The following ECPAS variants were observed in gnomAD, a reference collection of about 807,000 sequenced individuals.
The protein encoded by ECPAS is Ecm29 proteasome adaptor and scaffold, also known as proteasome adapter and scaffold protein ECM29.
In ECPAS, 70 loss-of-function variants were observed where a neutral mutation model predicts 255.1. That is an observed-to-expected ratio of 0.27 (90% CI 0.23 to 0.33). The LOEUF is 0.33. Ranked by LOEUF, ECPAS falls within the 10% of genes least tolerant of loss-of-function variation. ECPAS has a pLI of 1.00. For synonymous variants in ECPAS, 784 were observed against 775.0 expected, an observed-to-expected ratio of 1.01 and a Z score of -0.19; for missense variants, 1,817 against 2,206.4, an observed-to-expected ratio of 0.82 and a Z score of 3.54.
rs537548302 is a variant in ECPAS at position 111,452,154 on chromosome 9, G to A, written c.23-599C>T. ...TTCAACCAGTACACTGCAGCGGCAA[G>A]CAGGAAGATGGGAATGAAAGGGGAG... is the stretch of plus-strand genomic sequence containing the variant. On this transcript the variant is annotated intron_variant, in intron 2 of 49. Coordinates refer to ENST00000684092, the MANE Select transcript of ECPAS (RefSeq NM_001364929.1). Among the ~76,000 whole-genome samples the A allele has an allele frequency of 3.9e-4, 60 of 152,264 alleles. 1 individual carries two copies. Among genetic ancestry groups the A allele is most frequent in the African/African-American group, 1.3e-3 (56 of 41,544 alleles).
intron 2 of ECPAS, among the ~76,000 whole-genome samples, chr9:111,458,926 C>G (rs7038405): frequency 0.69 from 105,169 of 151,906 alleles, 36,719 homozygotes; most frequent in African/African-American, 0.75. Context: ...CATAAATACA[C>G]GGCTTTCCTG....
At chr9:111,444,054 T>A (rs1458071538) in intron 4 of ECPAS, among the ~76,000 whole-genome samples, 1 of 152,216 alleles carries the variant, frequency 6.6e-6, no homozygotes, top group Non-Finnish European at 1.5e-5. Context: ...AACATTTCCC[T>A]CTATTCAGAC....
intron 2 of ECPAS, among the ~76,000 whole-genome samples, chr9:111,472,247 C>CA (rs542111051): frequency 3.9e-4 from 59 of 149,854 alleles, no homozygotes; most frequent in Admixed American, 8.0e-4. Context: ...GACCCTGTCT[C>CA]AAAAAAAAAT....
chr9:111,478,675 G>T (rs2098299676), intron 1 of ECPAS, among the ~76,000 whole-genome samples: 1 of 152,202 alleles, frequency 6.6e-6, no homozygotes, highest in African/African-American at 2.4e-5. Flanking sequence ...TACTTCAAAT[G>T]CAAGGCAGAA....
intron 3 of ECPAS, among the ~76,000 whole-genome samples, chr9:111,446,958 T>TAG (rs896588928): frequency 6.6e-6 from 1 of 152,174 alleles, no homozygotes; most frequent in Admixed American, 6.5e-5. Flanking sequence ...GTGATACCGC[T>TAG]AGGCGACAAG....
chr9:111,434,680 C>T (rs992477549), intron 7 of ECPAS, among the ~76,000 whole-genome samples: 1 of 150,698 alleles, frequency 6.6e-6, no homozygotes, highest in Non-Finnish European at 1.5e-5. Context: ...ACCTCTGCCT[C>T]CTGGGTTCAA....
chr9:111,421,805 C>T (rs1165022310), intron 15 of ECPAS, 116 bp downstream of exon 15: 2 of 1,225,850 alleles, frequency 1.6e-6, no homozygotes, highest in South Asian at 3.2e-5. Context: ...GATCCTAAAT[C>T]ACAGCCCAAG....
chr9:111,448,814 A>G (rs1443153778), intron 3 of ECPAS, among the ~76,000 whole-genome samples: 1 of 152,172 alleles, frequency 6.6e-6, no homozygotes, highest in Non-Finnish European at 1.5e-5. Context: ...TAAAAACAAC[A>G]CTCTTATAAA....
rs966253956 is a variant in ECPAS at position 111,440,041 on chromosome 9, T to G, written c.539+331A>C. On this transcript the variant is annotated intron_variant, in intron 6 of 49. Coordinates refer to ENST00000684092, the MANE Select transcript of ECPAS (RefSeq NM_001364929.1). ...GTAAATTTAAAAGAGAAACTTTTTT[T>G]TTTTTGAGAGAGAGTCTCGCTCTGT... Among the ~76,000 whole-genome samples the G allele has an allele frequency of 7.9e-5, 12 of 152,240 alleles. No homozygotes were observed. The East Asian group carries it at 2.3e-3, about 29-fold the overall frequency.
At position 111,417,842 on chromosome 9, in the gene ECPAS, C is replaced by T. The variant is rs375726797; in HGVS notation, c.1683+41G>A. ...TAAAGATGTTTTTATTTTCATCATC[C>T]ATTATGATTTAGACTAATTACCTTA... On this transcript the variant is annotated intron_variant, in intron 17 of 49. Transcript: ENST00000684092. The T allele has an allele frequency of 6.1e-6, 9 of 1,481,606 alleles. No individual in the cohort carries two copies. In the African/African-American group the frequency reaches 8.6e-5, roughly 14 times the overall value. 91.8% of individuals were successfully genotyped at this position (1,481,606 alleles called of 1,614,324 possible). A position where few individuals can be genotyped will look rare whatever the true frequency, so the allele number is the denominator to read the frequency against.
intron 16 of ECPAS, among the ~76,000 whole-genome samples, 197 bp downstream of exon 16, chr9:111,419,820 T>C (rs962789255): frequency 6.7e-6 from 1 of 149,704 alleles, no homozygotes; most frequent in South Asian, 2.1e-4. Context: ...TATATAGATA[T>C]ATACATGTAA....
chr9:111,427,712 G>T (rs1429935006), intron 10 of ECPAS, among the ~76,000 whole-genome samples: 1 of 152,158 alleles, frequency 6.6e-6, no homozygotes, highest in Non-Finnish European at 1.5e-5. Context: ...TTTTGTGCAT[G>T]AAGTAAAGTT....
chr9:111,425,040 T>G (rs1482384105), intron 12 of ECPAS, among the ~76,000 whole-genome samples: 3 of 151,714 alleles, frequency 2.0e-5, no homozygotes, highest in Admixed American at 2.0e-4. Flanking sequence ...AAAAATTAGC[T>G]GGGTGTGGTG....
intron 42 of ECPAS, among the ~76,000 whole-genome samples, chr9:111,372,117 T>C (rs1365850430): frequency 6.6e-6 from 1 of 152,170 alleles, no homozygotes; most frequent in Admixed American, 6.5e-5. Flanking sequence ...TAAAATACTC[T>C]AAGGCCACAT....
At chr9:111,473,403 C>A (rs1039192952) in intron 1 of ECPAS, among the ~76,000 whole-genome samples, 1 of 152,084 alleles carries the variant, frequency 6.6e-6, no homozygotes, top group Non-Finnish European at 1.5e-5. Context: ...ATGTTTTTAG[C>A]ACATTACATA....
chr9:111,399,412 GGAAAGA>G (rs1042414090), intron 24 of ECPAS, among the ~76,000 whole-genome samples: 9 of 152,214 alleles, frequency 5.9e-5, no homozygotes, highest in Admixed American at 5.2e-4. Context: ...AGCACAGCTT[GGAAAGA>G]GAACCTGTGT....
At chr9:111,484,061 C>T (rs762182213) in intron 1 of ECPAS, 55 bp downstream of exon 1, 1 of 1,131,710 alleles carries the variant, frequency 8.8e-7, no homozygotes, top group South Asian at 4.2e-5. Flanking sequence ...CCGGCCTAAC[C>T]GCGCCGCCGC....
intron 16 of ECPAS, among the ~76,000 whole-genome samples, chr9:111,418,273 T>G (rs1157852695): frequency 6.6e-6 from 1 of 152,200 alleles, no homozygotes; most frequent in Non-Finnish European, 1.5e-5. Context: ...TTAAGTAAAT[T>G]ATTATGTAAA....
chr9:111,426,980 A>C (rs2098222629), intron 10 of ECPAS, among the ~76,000 whole-genome samples: 1 of 152,084 alleles, frequency 6.6e-6, no homozygotes, highest in African/African-American at 2.4e-5. Context: ...CTCCAAAAAA[A>C]CCACAAAAAG....
Sources: allele counts gnomAD v4.1 joint callset (sites outside exome capture counted in the v4.1 genomes callset), GRCh38; gene constraint gnomAD v4.1.1; transcripts MANE v1.5; gene names NCBI Gene and HGNC (gene_info 2026-07-23, HGNC 2026-07-21).